CDH12: variants seen among roughly 807,000 people sequenced by gnomAD.
The protein encoded by CDH12 is cadherin-12.
In CDH12, 41 loss-of-function variants were observed where a neutral mutation model predicts 74.1. The observed-to-expected ratio is 0.55, with a 90% confidence interval of 0.43 to 0.72. The LOEUF (loss-of-function observed/expected upper bound fraction) is 0.72, where lower values mean the gene tolerates loss of function less well. Among genes scored for constraint, CDH12 ranks in the 30% least tolerant of loss-of-function variants. The pLI is 0.00. For synonymous variants in CDH12, 399 were observed against 355.0 expected (o/e 1.12, Z -1.39); for missense variants, 945 against 977.2 (o/e 0.97, Z 0.44).
At chr5:22,261,135 T>C (rs1753495330) in intron 3 of CDH12, among the ~76,000 whole-genome samples, 1 of 151,668 alleles carries the variant, frequency 6.6e-6, no homozygotes, top group African/African-American at 2.4e-5. Context: ...GCTATGGGAC[T>C]TCAATGGAAA....
intron 6 of CDH12, chr5:21,882,467 A>G (rs1449430174): frequency 6.0e-6 from 4 of 665,560 alleles, no homozygotes; most frequent in Non-Finnish European, 1.1e-5. Context: ...TGTATGTTCC[A>G]TTTATAGTAC....
intron 6 of CDH12, among the ~76,000 whole-genome samples, chr5:21,886,735 ATATAAT>A (rs1187110672): frequency 6.6e-6 from 1 of 151,382 alleles, no homozygotes; most frequent in Non-Finnish European, 1.5e-5. Flanking sequence ...TTTATTTTAG[ATATAAT>A]TGTAACTTGA....
intron 1 of CDH12, among the ~76,000 whole-genome samples, chr5:22,545,216 G>A (rs756318941): frequency 3.3e-5 from 5 of 152,104 alleles, no homozygotes; most frequent in East Asian, 1.9e-4. Context: ...GGCCATCTCC[G>A]GTGCCAGCTC....
chr5:22,429,512 G>A (rs1003112147), intron 2 of CDH12, among the ~76,000 whole-genome samples: 1 of 151,964 alleles, frequency 6.6e-6, no homozygotes, highest in African/African-American at 2.4e-5. Context: ...TAATATTTTA[G>A]CTATTACTAG....
chr5:22,070,373 G>C (rs1395166883), intron 5 of CDH12, among the ~76,000 whole-genome samples: 1 of 152,144 alleles, frequency 6.6e-6, no homozygotes, highest in African/African-American at 2.4e-5. Flanking sequence ...AGTTGACAAA[G>C]GGTGGACTTA....
At chr5:22,437,999 T>C (rs1437942400) in intron 2 of CDH12, among the ~76,000 whole-genome samples, 2 of 152,098 alleles carry the variant, frequency 1.3e-5, no homozygotes, top group East Asian at 3.8e-4. Flanking sequence ...TAAATTCATA[T>C]ATTGTTTGTT....
At chr5:22,431,980 C>T (rs1040571667) in intron 2 of CDH12, among the ~76,000 whole-genome samples, 1 of 152,040 alleles carries the variant, frequency 6.6e-6, no homozygotes. Context: ...ATCAAGTTTA[C>T]AGTAGTATAC....
intron 6 of CDH12, among the ~76,000 whole-genome samples, chr5:21,918,555 C>A (rs1754207201): frequency 6.6e-6 from 1 of 151,984 alleles, no homozygotes; most frequent in African/African-American, 2.4e-5. Context: ...AGCAAGGCAC[C>A]TTCTTCACAA....
chr5:22,020,469 G>A (rs546000407), intron 5 of CDH12, among the ~76,000 whole-genome samples: 11 of 151,716 alleles, frequency 7.3e-5, no homozygotes, highest in Admixed American at 4.6e-4. Context: ...CAGGGGAATC[G>A]CTTGAACCCA....
chr5:21,765,876 T>C (rs1356701676), intron 11 of CDH12, among the ~76,000 whole-genome samples: 1 of 152,038 alleles, frequency 6.6e-6, no homozygotes, highest in Non-Finnish European at 1.5e-5. Context: ...TGCACCTGTT[T>C]GAACTTGTGC....
chr5:21,769,742 C>T (rs1396512434), intron 11 of CDH12, among the ~76,000 whole-genome samples: 1 of 152,074 alleles, frequency 6.6e-6, no homozygotes, highest in Non-Finnish European at 1.5e-5. Flanking sequence ...AGTTCTCATG[C>T]TATTCTTCGT....
At chr5:22,838,172 C>G (rs957568938) in intron 1 of CDH12, among the ~76,000 whole-genome samples, 1 of 152,172 alleles carries the variant, frequency 6.6e-6, no homozygotes, top group Admixed American at 6.5e-5. Flanking sequence ...TGAAAAACAG[C>G]AGCCTTAAGC....
chr5:22,270,388 G>A (rs1184339691), intron 3 of CDH12, among the ~76,000 whole-genome samples: 2 of 152,100 alleles, frequency 1.3e-5, no homozygotes, highest in South Asian at 4.1e-4. Context: ...GAGGTCTGGA[G>A]ATCGAGACCA....
intron 3 of CDH12, among the ~76,000 whole-genome samples, chr5:22,354,895 T>C (rs1462259109): frequency 6.6e-6 from 1 of 152,176 alleles, no homozygotes; most frequent in Non-Finnish European, 1.5e-5. Flanking sequence ...CTTTCATCTT[T>C]ATGCAGGTTT....
intron 2 of CDH12, among the ~76,000 whole-genome samples, chr5:22,407,518 C>T (rs1178578097): frequency 1.4e-5 from 2 of 139,384 alleles, no homozygotes; most frequent in East Asian, 4.2e-4. Context: ...CTGCACTCTA[C>T]CGTAAAAGAT....
intron 4 of CDH12, among the ~76,000 whole-genome samples, chr5:22,089,687 G>A (rs2150236287): frequency 6.6e-6 from 1 of 151,992 alleles, no homozygotes; most frequent in Non-Finnish European, 1.5e-5. Flanking sequence ...CTTCATCTAA[G>A]ATATAATTAC....
At position 22,074,511 on chromosome 5, in the gene CDH12, T is replaced by A. The variant is rs939150353; in HGVS notation, c.231+3935A>T. Among the ~76,000 whole-genome samples, 4 of 152,168 alleles carry A rather than the reference T, an allele frequency of 2.6e-5. No homozygotes were observed. In the East Asian group the frequency reaches 7.8e-4, roughly 30 times the overall value. ...TTCCGCACAGCAAAAGAAATTACCA[T>A]CAGAGTGAACAGACAACCTACAGAA... On this transcript the variant is annotated intron_variant, in intron 5 of 14. Transcript: ENST00000382254.
rs143205964 is a variant in CDH12, at chr5:22,449,210, C to T, written c.-427-43859G>A. Among the ~76,000 whole-genome samples, 1,418 of 152,086 alleles carry T rather than the reference C, an allele frequency of 9.3e-3. 14 individuals carry two copies. Among genetic ancestry groups the T allele is most frequent in the South Asian group, 0.038 (181 of 4,820 alleles). ...TAAGAAATAAGTAGTAATGACAGAA[C>T]GAACAACAGTTTCCAACACCCTTGA... On this transcript the variant is annotated intron_variant, in intron 2 of 14. Transcript: ENST00000382254.
chr5:22,644,538 G>A (rs929665902), intron 1 of CDH12, among the ~76,000 whole-genome samples: 1 of 151,928 alleles, frequency 6.6e-6, no homozygotes, highest in Non-Finnish European at 1.5e-5. Context: ...TTTAAAAAAT[G>A]AAGCTAGCAC....
Sources: allele counts gnomAD v4.1 joint callset (sites outside exome capture counted in the v4.1 genomes callset), GRCh38; gene constraint gnomAD v4.1.1; transcripts MANE v1.5; gene names NCBI Gene and HGNC (gene_info 2026-07-23, HGNC 2026-07-21).